The following ARHGEF38 variants were observed in gnomAD, a reference collection of about 807,000 sequenced individuals.
ARHGEF38 encodes Rho guanine nucleotide exchange factor (GEF) 38.
ARHGEF38 carries 79 observed loss-of-function variants against 79.9 expected under a neutral mutation model. That is an observed-to-expected ratio of 0.99 (90% CI 0.82 to 1.19). ARHGEF38 has a LOEUF of 1.19. Among genes scored for constraint, ARHGEF38 ranks in the 50% most tolerant of loss-of-function variants. The probability of loss-of-function intolerance (pLI) is 0.00; values close to 1 mark genes in which losing one functional copy is unlikely to be tolerated. For synonymous variants in ARHGEF38, 366 were observed against 328.3 expected (o/e 1.11, Z -1.24); for missense variants, 962 against 907.2 (o/e 1.06, Z -0.78).
chr4:105,648,578 GA>G lies in ARHGEF38; in HGVS notation c.906del (p.Glu302AspfsTer10), dbSNP rs1477920721. 1.3e-6 allele frequency: 2 copies of G among 1,524,334 alleles called. No individual in the cohort carries two copies. The highest frequency in any genetic ancestry group is 1.8e-6 in the Non-Finnish European group (2 of 1,142,626). 94.4% of individuals were successfully genotyped at this position (1,524,334 alleles called of 1,614,324 possible). On this transcript the variant is annotated frameshift_variant, in exon 7 of 14. Transcript: ENST00000420470. LOFTEE classifies it high-confidence loss of function. ...VLKYKKNDED[E>X]SLKDKLSKLN... ...AAAATACAAGAAGAATGACGAGGAT[GA>G]ATCACTTAAAGACAAATTGTCTAAA... is the stretch of plus-strand genomic sequence containing the variant.
intron 1 of ARHGEF38, among the ~76,000 whole-genome samples, chr4:105,555,792 C>G (rs1255227515): frequency 6.6e-6 from 1 of 152,164 alleles, no homozygotes; most frequent in Non-Finnish European, 1.5e-5. Context: ...TCTCTGGGTT[C>G]CGTAAAATGT....
intron 13 of ARHGEF38, among the ~76,000 whole-genome samples, chr4:105,671,212 TG>T (rs2110583087): frequency 6.6e-6 from 1 of 152,206 alleles, no homozygotes; most frequent in East Asian, 1.9e-4. Flanking sequence ...CTAATAAAAC[TG>T]GATTGAAGAT....
In ARHGEF38 at chr4:105,679,964, G is replaced by A; in HGVS notation, c.*2027G>A. ...TTTAGTGTAATTTCTCTTTGTGACT[G>A]TGCAATGTCCCCATGTAAACACAGT... On this transcript the variant is annotated 3_prime_UTR_variant, in exon 14 of 14. Transcript: ENST00000420470. 7.5e-7 allele frequency: 1 copy of A among 1,338,198 alleles called. No homozygotes were observed. Among genetic ancestry groups the A allele is most frequent in the African/African-American group, 1.4e-5 (1 of 69,524 alleles). 82.9% of individuals were successfully genotyped at this position (1,338,198 alleles called of 1,614,324 possible).
intron 6 of ARHGEF38, among the ~76,000 whole-genome samples, chr4:105,645,731 T>C (rs909820998): frequency 1.3e-5 from 2 of 152,148 alleles, no homozygotes; most frequent in Non-Finnish European, 1.5e-5. Context: ...AATGGCCACG[T>C]TGCAATAGCA....
At chr4:105,605,037 A>AT (rs915659641) in intron 2 of ARHGEF38, among the ~76,000 whole-genome samples, 24 of 152,078 alleles carry the variant, frequency 1.6e-4, no homozygotes, top group African/African-American at 5.8e-4. Flanking sequence ...CAAAAGACCT[A>AT]TTTTTTAGCA....
At chr4:105,657,054 TA>T (rs1310200069) in intron 9 of ARHGEF38, among the ~76,000 whole-genome samples, 2 of 149,990 alleles carry the variant, frequency 1.3e-5, no homozygotes, top group African/African-American at 2.5e-5. Context: ...AGATAGATGA[TA>T]GATAGATAGA....
At chr4:105,670,470 T>TA (rs879853626) in intron 13 of ARHGEF38, among the ~76,000 whole-genome samples, 27 of 152,104 alleles carry the variant, frequency 1.8e-4, no homozygotes, top group Non-Finnish European at 2.8e-4. Flanking sequence ...TTTGCCTATT[T>TA]AAAAAAAACT....
intron 2 of ARHGEF38, among the ~76,000 whole-genome samples, chr4:105,601,887 C>T (rs1448622456): frequency 1.3e-5 from 2 of 152,118 alleles, no homozygotes; most frequent in Non-Finnish European, 2.9e-5. Flanking sequence ...ACATTTAACC[C>T]TATATTTAAT....
intron 3 of ARHGEF38, among the ~76,000 whole-genome samples, chr4:105,619,645 G>A (rs1403723654): frequency 6.6e-6 from 1 of 152,022 alleles, no homozygotes; most frequent in Non-Finnish European, 1.5e-5. Context: ...GTGGAGATTG[G>A]GTGCAAAAGG....
intron 5 of ARHGEF38, among the ~76,000 whole-genome samples, chr4:105,637,034 G>A (rs1009551351): frequency 6.6e-6 from 1 of 152,012 alleles, no homozygotes; most frequent in Non-Finnish European, 1.5e-5. Flanking sequence ...GATTAATGCT[G>A]AAAGGATGAA....
intron 3 of ARHGEF38, among the ~76,000 whole-genome samples, chr4:105,618,000 T>C (rs774893807): frequency 1.3e-5 from 2 of 152,026 alleles, no homozygotes; most frequent in East Asian, 3.8e-4. Context: ...ACTTGGTGAG[T>C]TTTATTTTGA....
chr4:105,626,988 T>G (rs909491069), intron 3 of ARHGEF38, among the ~76,000 whole-genome samples: 2 of 152,090 alleles, frequency 1.3e-5, no homozygotes, highest in Admixed American at 6.6e-5. Flanking sequence ...TACACTGTTA[T>G]GAGTGTTGCT....
rs551279126 is a variant in ARHGEF38 at position 105,659,611 on chromosome 4, C to G, written c.1545+246C>G. On this transcript the variant is annotated intron_variant, in intron 10 of 13. Coordinates refer to ENST00000420470, the MANE Select transcript of ARHGEF38 (RefSeq NM_001242729.2). The stretch of plus-strand genomic sequence containing the variant: ...CATTTGTAATTCTTTTTTGGAGATG[C>G]CTTTTCAAATACCAAACACCTTTCA... Among the ~76,000 whole-genome samples, 16 of 152,258 alleles carry G rather than the reference C, an allele frequency of 1.1e-4. No individual in the cohort carries two copies. The South Asian group carries it at 2.5e-3, about 24-fold the overall frequency.
intron 6 of ARHGEF38, among the ~76,000 whole-genome samples, chr4:105,646,762 G>C (rs932265616): frequency 1.3e-5 from 2 of 150,608 alleles, no homozygotes; most frequent in Non-Finnish European, 3.0e-5. Flanking sequence ...AATACCACAA[G>C]AAGATAAAAA....
chr4:105,677,702 C>A (rs1731170848), intron 13 of ARHGEF38, 50 bp from the exon 14 acceptor site: 1 of 1,347,962 alleles, frequency 7.4e-7, no homozygotes, highest in South Asian at 2.0e-5. Flanking sequence ...TGATGTTTCT[C>A]TTAATATTCA....
chr4:105,624,320 C>T (rs557085131), intron 3 of ARHGEF38, among the ~76,000 whole-genome samples: 12 of 152,264 alleles, frequency 7.9e-5, no homozygotes, highest in East Asian at 3.9e-4. Flanking sequence ...GAGCCACAGG[C>T]GTGAAATAAT....
chr4:105,558,893 G>GGA lies in ARHGEF38; in HGVS notation c.196+5941_196+5942dup, dbSNP rs1055442415. On this transcript the variant is annotated intron_variant, in intron 1 of 13. Coordinates refer to ENST00000420470, the MANE Select transcript of ARHGEF38 (RefSeq NM_001242729.2). ...AGGAAGAAGGAATGAAAGAAAGGAAGGAGAGAGAGAAGGGGAGGGGAGAGA... is the reference window on the plus strand; with the variant it reads ...AGGAAGAAGGAATGAAAGAAAGGAAGGAGAGAGAGAGAAGGGGAGGGGAGAGA... 2.0e-4 allele frequency among the ~76,000 whole-genome samples: 30 copies of GGA among 151,222 alleles called. 1 individual carries two copies. Among genetic ancestry groups the GGA allele is most frequent in the African/African-American group, 7.3e-4 (30 of 41,290 alleles).
intron 2 of ARHGEF38, among the ~76,000 whole-genome samples, chr4:105,612,725 G>A (rs917175258): frequency 1.3e-5 from 2 of 151,834 alleles, no homozygotes; most frequent in Non-Finnish European, 2.9e-5. Context: ...CGTAATTCTT[G>A]GTACATAGAA....
At chr4:105,615,529 T>A (rs535735021) in intron 3 of ARHGEF38, among the ~76,000 whole-genome samples, 28 of 152,194 alleles carry the variant, frequency 1.8e-4, no homozygotes, top group Non-Finnish European at 1.5e-5. Flanking sequence ...AATTCCAGAT[T>A]TAAGGTGACC....
Sources: allele counts gnomAD v4.1 joint callset (sites outside exome capture counted in the v4.1 genomes callset), GRCh38; gene constraint gnomAD v4.1.1; transcripts MANE v1.5; gene names NCBI Gene and HGNC (gene_info 2026-07-23, HGNC 2026-07-21).